The following ADGRG2 variants were observed in gnomAD, a reference collection of about 807,000 sequenced individuals.
ADGRG2 encodes adhesion G protein-coupled receptor G2.
ADGRG2 carries 26 observed loss-of-function variants against 74.1 expected under a neutral mutation model. The observed-to-expected ratio is 0.35, with a 90% CI of 0.26 to 0.49. The LOEUF (loss-of-function observed/expected upper bound fraction) is 0.49, where lower values mean the gene tolerates loss of function less well. ADGRG2 is among the 20% of genes least tolerant of loss of function. The probability of loss-of-function intolerance (pLI) is 0.99; values close to 1 mark genes in which losing one functional copy is unlikely to be tolerated. For synonymous variants in ADGRG2, 296 were observed against 295.2 expected (o/e 1.00, Z -0.03); for missense variants, 619 against 763.1 (o/e 0.81, Z 2.22).
At chrX:19,048,101 G>C (rs1457123055) in intron 3 of ADGRG2, among the ~76,000 whole-genome samples, 1 of 110,867 alleles carries the variant, frequency 9.0e-6, no homozygotes, top group Admixed American at 9.6e-5. Context: ...TCCTGCCTTC[G>C]CACAGTATCG....
At chrX:19,068,093 A>AT (rs1602048943) in intron 3 of ADGRG2, among the ~76,000 whole-genome samples, 3 of 112,307 alleles carry the variant, frequency 2.7e-5, no homozygotes, top group African/African-American at 9.7e-5. Flanking sequence ...ACACAGGGTT[A>AT]TATGATCCAG....
At chrX:19,115,622 G>A (rs2062497132) in intron 1 of ADGRG2, among the ~76,000 whole-genome samples, 1 of 111,092 alleles carries the variant, frequency 9.0e-6, no homozygotes, top group Non-Finnish European at 1.9e-5. Context: ...GTTGAGAATA[G>A]GGAGTAAAGG....
At chrX:19,069,490 C>T (rs1411967491) in intron 2 of ADGRG2, among the ~76,000 whole-genome samples, 2 of 110,923 alleles carry the variant, frequency 1.8e-5, no homozygotes, top group Non-Finnish European at 3.8e-5. Context: ...CACCCTCAAG[C>T]CTGGACCCGC....
chrX:19,048,806 C>T (rs1395180414), intron 3 of ADGRG2, among the ~76,000 whole-genome samples: 2 of 112,058 alleles, frequency 1.8e-5, no homozygotes, highest in Non-Finnish European at 3.8e-5. Flanking sequence ...TGTTCACTTC[C>T]GAAGTGATTG....
At chrX:19,105,915 G>C (rs752229478) in intron 1 of ADGRG2, among the ~76,000 whole-genome samples, 1 of 75,435 alleles carries the variant, frequency 1.3e-5, no homozygotes, top group East Asian at 3.9e-4. Context: ...GCGACAGAGC[G>C]AGACTCTGTC....
intron 1 of ADGRG2, among the ~76,000 whole-genome samples, chrX:19,083,043 A>G (rs1442976318): frequency 9.0e-6 from 1 of 111,311 alleles, no homozygotes; most frequent in African/African-American, 3.3e-5. Flanking sequence ...TCACTCTGTC[A>G]CCCAGGCTGG....
In ADGRG2 at chrX:19,013,987, C is replaced by G; in HGVS notation, c.798G>C (p.Arg266=). Residue 266 remains arginine (R), a synonymous_variant, in exon 16 of 29, where the codon CGG becomes CGC. Transcript: ENST00000379869. ...TGGGGACCTGGGAAAGCACAGTGGC[C>G]CGAGGCACCACTGGGATGGATTGGC... ...SSSQSIPVVP[R]ATVLSQVPKA... 4 of 1,209,070 alleles carry G rather than the reference C, an allele frequency of 3.3e-6. No individual in the cohort carries two copies. The highest frequency in any genetic ancestry group is 4.5e-6 in the Non-Finnish European group (4 of 893,653).
chrX:19,035,752 G>A, intron 7 of ADGRG2, 190 bp downstream of exon 7: 1 of 332,863 alleles, frequency 3.0e-6, no homozygotes, highest in Non-Finnish European at 5.4e-6. Flanking sequence ...TCCTTTGGAA[G>A]TTTGGGAGTG....
At chrX:19,102,211 G>A (rs1307196864) in intron 1 of ADGRG2, among the ~76,000 whole-genome samples, 4 of 107,229 alleles carry the variant, frequency 3.7e-5, no homozygotes, top group Non-Finnish European at 7.7e-5. Flanking sequence ...CACCACGCCC[G>A]GCCTGGACTC....
In ADGRG2 at chrX:19,010,768, G is replaced by T. The variant is rs1601879543; in HGVS notation, c.1110C>A (p.Asn370Lys). 4.2e-6 allele frequency: 5 copies of T among 1,193,619 alleles called. No homozygotes were observed. Among genetic ancestry groups the T allele is most frequent in the South Asian group, 1.8e-5 (1 of 54,732 alleles). ...TCTCAAGATCAGAAATACTGCTGGT[G>T]TTGACGATGTCTATATCAAAGAGCC... ...SAPPVQTDIV[N>K]TSSISDLENQ... The change falls in exon 17 of 29, where the codon AAC becomes AAA. Residue 370 changes from asparagine to lysine, a missense_variant. By Grantham distance (94) the Asn-to-Lys change is moderately conservative. Around this residue, in one of 3 missense-constraint regions of ADGRG2, gnomAD observed 292 missense variants for 318.0 expected, o/e 0.92. Coordinates refer to ENST00000379869, the MANE Select transcript of ADGRG2 (RefSeq NM_001079858.3).
intron 2 of ADGRG2, among the ~76,000 whole-genome samples, chrX:19,075,659 G>A (rs748992930): frequency 9.2e-6 from 1 of 108,381 alleles, no homozygotes; most frequent in Non-Finnish European, 1.9e-5. Context: ...AAAGAAAAAG[G>A]CTGTTAAGAA....
chrX:19,048,128 G>A (rs1407380311), intron 3 of ADGRG2, among the ~76,000 whole-genome samples: 1 of 110,703 alleles, frequency 9.0e-6, no homozygotes, highest in Non-Finnish European at 1.9e-5. Flanking sequence ...CATCCCCCTG[G>A]CTCTTGATCC....
At chrX:19,081,272 T>C (rs1222618647) in intron 2 of ADGRG2, among the ~76,000 whole-genome samples, 1 of 111,986 alleles carries the variant, frequency 8.9e-6, no homozygotes, top group Non-Finnish European at 1.9e-5. Flanking sequence ...ATTTTTTCAT[T>C]GATTTGGTCC....
At chrX:19,021,934 C>T (rs1190353505) in intron 13 of ADGRG2, among the ~76,000 whole-genome samples, 1 of 109,567 alleles carries the variant, frequency 9.1e-6, no homozygotes, top group Non-Finnish European at 1.9e-5. Context: ...AAGTGTGAGC[C>T]ACTGCACCCA....
In ADGRG2 at chrX:19,002,842, A is replaced by T. The variant is rs774557974; in HGVS notation, c.2230+4T>A. The T allele has an allele frequency of 1.7e-6, 2 of 1,208,617 alleles. No homozygotes were observed. Among genetic ancestry groups the T allele is most frequent in the Non-Finnish European group, 2.2e-6 (2 of 892,779 alleles). On this transcript the variant is annotated splice_donor_region_variant and intron_variant, in intron 24 of 28. Transcript: ENST00000379869. Reference sequence around the variant, plus strand: ...AGGCAACATGCAGGCAAGCTTATACATACCCCAACCGACAATGCAGAATTT... The same window carrying T: ...AGGCAACATGCAGGCAAGCTTATACTTACCCCAACCGACAATGCAGAATTT...
At chrX:19,097,284 G>C (rs1569143378) in intron 1 of ADGRG2, among the ~76,000 whole-genome samples, 3 of 112,706 alleles carry the variant, frequency 2.7e-5, no homozygotes, top group Admixed American at 9.4e-5. Flanking sequence ...GGCCAAGGCG[G>C]GTGGATCACT....
chrX:19,028,042 C>T (rs1601930596), intron 10 of ADGRG2, 141 bp downstream of exon 10: 2 of 422,305 alleles, frequency 4.7e-6, no homozygotes, highest in East Asian at 4.3e-5. Flanking sequence ...AAGCTAGGGA[C>T]TCAATTAACA....
chrX:19,073,745 T>C (rs2061689751), intron 2 of ADGRG2, among the ~76,000 whole-genome samples: 1 of 111,969 alleles, frequency 8.9e-6, no homozygotes, highest in African/African-American at 3.2e-5. Context: ...TATTCTCTGT[T>C]ATCTCTGGTT....
intron 2 of ADGRG2, among the ~76,000 whole-genome samples, chrX:19,081,897 G>A (rs919257205): frequency 6.2e-4 from 67 of 108,382 alleles, no homozygotes; most frequent in African/African-American, 2.2e-3. Context: ...AGCATAGGGA[G>A]ATCCCGTCTC....
Sources: gnomAD v4.1 joint callset for allele counts (sites outside exome capture counted in the v4.1 genomes callset) on GRCh38, gnomAD v4.1.1 for gene constraint, gnomAD v4.1.1 regional missense constraint, MANE v1.5 for transcripts, NCBI Gene and HGNC (gene_info 2026-07-23, HGNC 2026-07-21) for gene names.